The following SORCS1 variants were observed in gnomAD, a reference collection of about 807,000 sequenced individuals.
SORCS1 encodes VPS10 domain-containing receptor SorCS1.
Under a neutral mutation model 146.1 loss-of-function variants are expected in SORCS1, and 60 were observed. The ratio of observed to expected loss-of-function variants is 0.41; its 90% CI spans 0.33 to 0.51. The LOEUF (loss-of-function observed/expected upper bound fraction) is 0.51. SORCS1 is among the 20% of genes least tolerant of loss of function. The pLI, the probability that SORCS1 is intolerant of heterozygous loss-of-function variation, is 0.21. For missense variants in SORCS1, 1,352 were observed against 1,487.6 expected, an observed-to-expected ratio of 0.91 and a Z score of 1.50; for synonymous variants, 637 against 584.0, an observed-to-expected ratio of 1.09 and a Z score of -1.31.
chr10:106,823,836 T>C (rs933203350), intron 3 of SORCS1, among the ~76,000 whole-genome samples: 1 of 152,206 alleles, frequency 6.6e-6, no homozygotes, highest in Admixed American at 6.5e-5. Context: ...CCCAGCTGCA[T>C]GTAACTTCAG....
chr10:106,756,980 C>T (rs1470813746), intron 5 of SORCS1, among the ~76,000 whole-genome samples: 1 of 152,072 alleles, frequency 6.6e-6, no homozygotes, highest in Non-Finnish European at 1.5e-5. Context: ...AGACTGAGCC[C>T]CCGTCTCCTT....
At chr10:106,889,325 G>T (rs1412299622) in intron 2 of SORCS1, among the ~76,000 whole-genome samples, 1 of 152,100 alleles carries the variant, frequency 6.6e-6, no homozygotes, top group Non-Finnish European at 1.5e-5. Context: ...GACAGCAATT[G>T]TAGGGCCTTA....
intron 1 of SORCS1, among the ~76,000 whole-genome samples, chr10:107,139,569 G>C (rs1370198362): frequency 6.6e-6 from 1 of 152,098 alleles, no homozygotes; most frequent in Non-Finnish European, 1.5e-5. Flanking sequence ...ACAGACAGCA[G>C]ATTCTCAAAG....
At chr10:107,078,658 A>G (rs776744191) in intron 1 of SORCS1, among the ~76,000 whole-genome samples, 5 of 152,156 alleles carry the variant, frequency 3.3e-5, no homozygotes, top group Non-Finnish European at 7.4e-5. Context: ...CATATTTTGA[A>G]CTACCTAAAG....
chr10:106,579,528 C>T (rs1219539173), intron 24 of SORCS1, 54 bp from the exon 25 acceptor site: 40 of 1,571,006 alleles, frequency 2.5e-5, no homozygotes, highest in Non-Finnish European at 1.0e-5. Flanking sequence ...GCAGGTGAGA[C>T]TCTATGAGAG....
chr10:106,742,882 A>G (rs1857460372), intron 5 of SORCS1, among the ~76,000 whole-genome samples: 1 of 152,122 alleles, frequency 6.6e-6, no homozygotes. Context: ...TTTGTTGATG[A>G]AAAATTTCTG....
At chr10:106,656,371 A>T (rs1157444952) in intron 17 of SORCS1, among the ~76,000 whole-genome samples, 3 of 152,144 alleles carry the variant, frequency 2.0e-5, no homozygotes, top group Non-Finnish European at 4.4e-5. Context: ...TAACACAGTG[A>T]AACCTTGTCT....
At position 106,613,045 on chromosome 10, in the gene SORCS1, G is replaced by A. The variant is rs114290216; in HGVS notation, c.2921-1022C>T. 9.7e-3 allele frequency among the ~76,000 whole-genome samples: 1,475 copies of A among 151,528 alleles called. 14 individuals carry two copies. The highest frequency in any genetic ancestry group is 0.025 in the African/African-American group (1,035 of 41,238). On this transcript the variant is annotated intron_variant, in intron 21 of 25. Transcript: ENST00000263054. The stretch of plus-strand genomic sequence containing the variant: ...CTTTTTTATGGCACTACTCTGTTTT[G>A]TACATACTTTTTATTATTATTATAG...
chr10:106,835,372 C>T (rs181484058), intron 2 of SORCS1, among the ~76,000 whole-genome samples: 99 of 152,302 alleles, frequency 6.5e-4, no homozygotes, highest in Non-Finnish European at 6.6e-4. Context: ...GCTTTTGTTA[C>T]TCATTTTCTA....
intron 1 of SORCS1, among the ~76,000 whole-genome samples, chr10:107,160,561 C>T (rs984925458): frequency 1.3e-5 from 2 of 152,144 alleles, no homozygotes; most frequent in African/African-American, 4.8e-5. Flanking sequence ...AGAAATCAAG[C>T]AGTCCATCAT....
chr10:106,580,685 A>G (rs11192968), intron 24 of SORCS1, among the ~76,000 whole-genome samples: 4,422 of 152,238 alleles, frequency 0.029, 115 homozygotes, highest in East Asian at 0.16. Context: ...CCCAGGTAAA[A>G]AAGTTCAAGA....
At chr10:107,017,978 T>G (rs61867204) in intron 1 of SORCS1, among the ~76,000 whole-genome samples, 1 of 152,098 alleles carries the variant, frequency 6.6e-6, no homozygotes, top group Admixed American at 6.5e-5. Flanking sequence ...AAAAAAATTT[T>G]CTGACCTTCC....
intron 21 of SORCS1, among the ~76,000 whole-genome samples, chr10:106,617,644 G>C (rs1664308217): frequency 6.6e-6 from 1 of 151,964 alleles, no homozygotes. Context: ...CCCGTCTATG[G>C]CTATGTACGA....
intron 1 of SORCS1, among the ~76,000 whole-genome samples, chr10:107,120,616 C>T (rs575078179): frequency 6.6e-6 from 1 of 152,298 alleles, no homozygotes; most frequent in Admixed American, 6.5e-5. Context: ...TCATAATGCA[C>T]AGGATAACCT....
intron 9 of SORCS1, 67 bp downstream of exon 9, chr10:106,699,147 A>C (rs1254461572): frequency 7.1e-7 from 1 of 1,415,228 alleles, no homozygotes; most frequent in African/African-American, 1.4e-5. Flanking sequence ...AAAAGAGTCC[A>C]TGCGGGGCTT....
Position 106,761,573 on chromosome 10 carries a change from T to G in SORCS1, c.959+15A>C. 1 of 1,611,718 alleles carries G rather than the reference T, an allele frequency of 6.2e-7. No homozygotes were observed. The highest frequency in any genetic ancestry group is 2.2e-5 in the East Asian group (1 of 44,864). ...GGTCATATCTTAATGTGCTACAAGA[T>G]AAAGTGAGACTTACCAGTAGAACCT... On this transcript the variant is annotated intron_variant, in intron 5 of 25. Coordinates refer to ENST00000263054, the MANE Select transcript of SORCS1 (RefSeq NM_052918.5).
chr10:107,032,702 T>C (rs1399993921), intron 1 of SORCS1, among the ~76,000 whole-genome samples: 1 of 152,194 alleles, frequency 6.6e-6, no homozygotes, highest in Non-Finnish European at 1.5e-5. Flanking sequence ...CCACAGCATC[T>C]AATGCCGCAG....
chr10:106,663,464 C>T (rs1318014614), intron 17 of SORCS1, among the ~76,000 whole-genome samples: 1 of 151,954 alleles, frequency 6.6e-6, no homozygotes, highest in Non-Finnish European at 1.5e-5. Context: ...GGCTTTTAAA[C>T]ATATAAAACA....
chr10:106,672,828 C>G (rs1456450593), intron 15 of SORCS1, 40 bp downstream of exon 15: 1 of 1,564,044 alleles, frequency 6.4e-7, no homozygotes, highest in East Asian at 2.2e-5. Flanking sequence ...ACCACTCATG[C>G]TTCCTGCCCA....
Sources: gnomAD v4.1 joint callset for allele counts (sites outside exome capture counted in the v4.1 genomes callset) on GRCh38, gnomAD v4.1.1 for gene constraint, MANE v1.5 for transcripts, NCBI Gene and HGNC (gene_info 2026-07-23, HGNC 2026-07-21) for gene names.